PEX11B: variants seen among roughly 807,000 people sequenced by gnomAD.
PEX11B encodes the protein peroxisomal biogenesis factor 11 beta.
Under a neutral mutation model 28.2 loss-of-function variants are expected in PEX11B, and 18 were observed. The observed-to-expected ratio is 0.64, with a 90% confidence interval of 0.44 to 0.95. The LOEUF (loss-of-function observed/expected upper bound fraction) is 0.95. Ranked by LOEUF, PEX11B falls within the 40% of genes least tolerant of loss-of-function variation. The pLI is 0.00. For synonymous variants in PEX11B, 128 were observed against 128.7 expected (o/e 0.99, Z 0.04); for missense variants, 305 against 319.8 (o/e 0.95, Z 0.35).
At chr1:145,917,653 G>T in intron 2 of PEX11B, 48 bp downstream of exon 2, 2 of 1,035,236 alleles carry the variant, frequency 1.9e-6, no homozygotes, top group South Asian at 2.5e-5. Flanking sequence ...AGGTGAGCTG[G>T]GGATGGAGGA....
intron 3 of PEX11B, among the ~76,000 whole-genome samples, chr1:145,915,835 C>T (rs1286898538): frequency 6.6e-6 from 1 of 151,976 alleles, no homozygotes; most frequent in African/African-American, 2.4e-5. Context: ...GGTTTTGCCA[C>T]GTTGGCCAGG....
chr1:145,914,997 G>A (rs782383728), intron 3 of PEX11B, among the ~76,000 whole-genome samples: 6 of 152,192 alleles, frequency 3.9e-5, no homozygotes, highest in East Asian at 3.9e-4. Context: ...TCTGCCTCCC[G>A]GGTTCAAGCG....
chr1:145,917,626 G>A lies in PEX11B; in HGVS notation c.172+75C>T. The A allele has an allele frequency of 3.6e-6, 3 of 838,970 alleles. No individual in the cohort carries two copies. The South Asian group carries it at 4.2e-5, about 12-fold the overall frequency. 52.0% of individuals were successfully genotyped at this position (838,970 alleles called of 1,614,324 possible). On this transcript the variant is annotated intron_variant, in intron 2 of 3. Transcript: ENST00000369306. The stretch of plus-strand genomic sequence containing the variant: ...AGAAAGAAGAACAGAGAGGGTACAG[G>A]AAGGAGGGACAAAGGAAGGTGAGCT...
intron 1 of PEX11B, chr1:145,918,238 G>A: frequency 2.0e-6 from 2 of 985,458 alleles, no homozygotes; most frequent in Non-Finnish European, 2.4e-6. Context: ...CAGGGCGGAG[G>A]CAGGGGAGTT....
intron 2 of PEX11B, among the ~76,000 whole-genome samples, chr1:145,917,414 G>T (rs1647451193): frequency 6.6e-6 from 1 of 152,062 alleles, no homozygotes. Flanking sequence ...CTGGACGAGA[G>T]ACTCTGTCTC....
At chr1:145,918,289 T>A in intron 1 of PEX11B, 1 of 1,460,306 alleles carries the variant, frequency 6.8e-7, no homozygotes, top group Non-Finnish European at 9.0e-7. Flanking sequence ...AAACTGGGAG[T>A]GCCTCCTCAG....
At chr1:145,912,598 C>A (rs1287180211) in intron 3 of PEX11B, 32 bp from the exon 4 acceptor site, 2 of 1,380,744 alleles carry the variant, frequency 1.4e-6, no homozygotes, top group South Asian at 1.9e-5. Flanking sequence ...TCAGTAAGGG[C>A]ATGTATACCT....
In PEX11B at chr1:145,911,680, A is replaced by AC. The variant is rs1342430872; in HGVS notation, c.*480_*481insG. 1.9e-5 allele frequency: 3 copies of AC among 158,344 alleles called. No individual in the cohort carries two copies. Among genetic ancestry groups the AC allele is most frequent in the African/African-American group, 7.1e-5 (3 of 42,240 alleles). The allele number at this position is 158,344 out of a possible 1,614,324, so 9.8% of individuals were successfully genotyped here. A position where few individuals can be genotyped will look rare whatever the true frequency, so the allele number is the denominator to read the frequency against. ...ATAAGGGAAGAGTCCACTGGCACAT[A>AC]GTCTTAAAAATTATGTTTGGAGTTT... On this transcript the variant is annotated 3_prime_UTR_variant, in exon 4 of 4. Coordinates refer to ENST00000369306, the MANE Select transcript of PEX11B (RefSeq NM_003846.3).
intron 2 of PEX11B, 83 bp from the exon 3 acceptor site, chr1:145,917,101 G>A (rs1271989748): frequency 1.2e-5 from 11 of 896,516 alleles, no homozygotes; most frequent in Non-Finnish European, 1.9e-5. Context: ...AAGCAAGAGG[G>A]CAAAAGTTGA....
chr1:145,917,788 CAAG>C lies in PEX11B; in HGVS notation c.82_84del (p.Leu28del), dbSNP rs767294266. On this transcript the variant is annotated inframe_deletion, in exon 2 of 4. Transcript: ENST00000369306. The stretch of plus-strand genomic sequence containing the variant: ...GCTCCATGCCTCTGCAGCGCATGGC[CAAG>C]AAGAGAGCAAGCATACTGGGCGGCC... 266 of 1,613,478 alleles carry C rather than the reference CAAG, an allele frequency of 1.6e-4. 1 individual carries two copies. The highest frequency in any genetic ancestry group is 2.1e-4 in the Non-Finnish European group (248 of 1,179,434).
At chr1:145,913,640 C>T (rs587706592) in intron 3 of PEX11B, among the ~76,000 whole-genome samples, 2 of 151,988 alleles carry the variant, frequency 1.3e-5, no homozygotes, top group East Asian at 3.9e-4. Context: ...CTCCATCTCT[C>T]TCTCAACTTG....
intron 1 of PEX11B, chr1:145,918,331 T>C (rs1553754264): frequency 4.6e-6 from 7 of 1,510,438 alleles, no homozygotes; most frequent in African/African-American, 4.1e-5. Flanking sequence ...CTATCCACCG[T>C]GGGGCGAATG....
In PEX11B at chr1:145,917,786, G is replaced by A; in HGVS notation, c.87C>T (p.Gly29=). 1 of 1,613,500 alleles carries A rather than the reference G, an allele frequency of 6.2e-7. No individual in the cohort carries two copies. Among genetic ancestry groups the A allele is most frequent in the African/African-American group, 1.3e-5 (1 of 75,026 alleles). The change falls in exon 2 of 4, where the codon GGC becomes GGT. Residue 29 remains glycine (G), a synonymous_variant. Transcript: ENST00000369306. ...RAAQYACSLL[G]HALQRHGASP... ...TGGCTCCATGCCTCTGCAGCGCATG[G>A]CCAAGAAGAGAGCAAGCATACTGGG...
In PEX11B at chr1:145,912,128, A is replaced by G. The variant is rs782474366; in HGVS notation, c.*33T>C. The G allele has an allele frequency of 2.9e-5, 44 of 1,492,456 alleles. No individual in the cohort carries two copies. The East Asian group carries it at 1.0e-3, about 34-fold the overall frequency. The allele number at this position is 1,492,456 out of a possible 1,614,324, so 92.5% of individuals were successfully genotyped here. On this transcript the variant is annotated 3_prime_UTR_variant, in exon 4 of 4. Transcript: ENST00000369306. Reference sequence around the variant, plus strand: ...GACGATCTAAGATTCCATCTCACCAATTCAGGTCCCCTCCTTATCCTGTAC... The same window carrying G: ...GACGATCTAAGATTCCATCTCACCAGTTCAGGTCCCCTCCTTATCCTGTAC...
intron 1 of PEX11B, chr1:145,918,357 C>T: frequency 6.5e-7 from 1 of 1,528,960 alleles, no homozygotes; most frequent in Non-Finnish European, 8.8e-7. Flanking sequence ...CATTCCATCA[C>T]CGCCCAGTGA....
intron 3 of PEX11B, among the ~76,000 whole-genome samples, chr1:145,913,238 C>T (rs1657886797): frequency 6.6e-6 from 1 of 152,040 alleles, no homozygotes; most frequent in African/African-American, 2.4e-5. Context: ...TAATGTACTA[C>T]ATTGTGACTA....
At chr1:145,915,752 G>C (rs1299419281) in intron 3 of PEX11B, among the ~76,000 whole-genome samples, 1 of 151,142 alleles carries the variant, frequency 6.6e-6, no homozygotes, top group South Asian at 2.1e-4. Context: ...TCCTGCCTCA[G>C]CCTCCCGAGT....
rs1320438085 is a variant in PEX11B, at chr1:145,912,039, C to A, written c.*122G>T. ...TCTTCCCCAAAGCTCTTCCTCCACC[C>A]CTAAATCTCTGAATTTCTAACTTTA... On this transcript the variant is annotated 3_prime_UTR_variant, in exon 4 of 4. Transcript: ENST00000369306. 3 of 735,512 alleles carry A rather than the reference C, an allele frequency of 4.1e-6. No homozygotes were observed. The highest frequency in any genetic ancestry group is 6.9e-5 in the Admixed American group (2 of 29,088). 45.6% of individuals were successfully genotyped at this position (735,512 alleles called of 1,614,324 possible).
rs782314102 is a variant in PEX11B, at chr1:145,914,911, C to CT, written c.374+1905dup. 1.3e-3 allele frequency among the ~76,000 whole-genome samples: 198 copies of CT among 151,478 alleles called. 2 individuals carry two copies. Among genetic ancestry groups the CT allele is most frequent in the Middle Eastern group, 6.8e-3 (2 of 294 alleles). Reference sequence around the variant, plus strand: ...GGAGCAGAGGCCTTGTTTGTCTTTTCTTTTTTTTTGAGACGGTATTTCACT... The same window carrying CT: ...GGAGCAGAGGCCTTGTTTGTCTTTTCTTTTTTTTTTGAGACGGTATTTCACT... On this transcript the variant is annotated intron_variant, in intron 3 of 3. Coordinates refer to ENST00000369306, the MANE Select transcript of PEX11B (RefSeq NM_003846.3).
Sources: allele counts gnomAD v4.1 joint callset (sites outside exome capture counted in the v4.1 genomes callset), GRCh38; gene constraint gnomAD v4.1.1; transcripts MANE v1.5; gene names NCBI Gene and HGNC (gene_info 2026-07-23, HGNC 2026-07-21).